TTYH3: variants seen among roughly 807,000 people sequenced by gnomAD.
TTYH3 encodes protein tweety homolog 3.
Under a neutral mutation model 68.2 loss-of-function variants are expected in TTYH3, and 23 were observed. That is an observed-to-expected ratio of 0.34 (90% CI 0.24 to 0.48). TTYH3 has a LOEUF of 0.48. Ranked by LOEUF, TTYH3 falls within the 20% of genes least tolerant of loss-of-function variation. TTYH3 has a pLI of 0.99. For synonymous variants in TTYH3, 360 were observed against 332.8 expected, an observed-to-expected ratio of 1.08 and a Z score of -0.89; for missense variants, 768 against 727.7, an observed-to-expected ratio of 1.06 and a Z score of -0.64.
Position 2,662,132 on chromosome 7 carries a change from T to G in TTYH3, c.*393T>G. On this transcript the variant is annotated 3_prime_UTR_variant, in exon 14 of 14. Transcript: ENST00000258796. ...CCCGGCACTTCTGTGGACCCCTTCTTAGTTCACAGGCACGGCTGGGGCCGC... is the reference window on the plus strand; with the variant it reads ...CCCGGCACTTCTGTGGACCCCTTCTGAGTTCACAGGCACGGCTGGGGCCGC... 2.5e-6 allele frequency: 1 copy of G among 392,372 alleles called. No individual in the cohort carries two copies. Among genetic ancestry groups the G allele is most frequent in the Non-Finnish European group, 4.8e-6 (1 of 208,550 alleles). 24.3% of individuals were successfully genotyped at this position (392,372 alleles called of 1,614,324 possible).
chr7:2,647,087 G>A (rs1467375301), intron 2 of TTYH3, 55 bp from the exon 3 acceptor site: 19 of 1,513,346 alleles, frequency 1.3e-5, no homozygotes, highest in African/African-American at 4.1e-5. Flanking sequence ...GGCGGGGCTG[G>A]AGTGGGGTGT....
intron 7 of TTYH3, among the ~76,000 whole-genome samples, 199 bp from the exon 8 acceptor site, chr7:2,651,988 C>T (rs1583570473): frequency 6.6e-6 from 1 of 152,154 alleles, no homozygotes; most frequent in Non-Finnish European, 1.5e-5. Context: ...GCACACGAAA[C>T]GTGCACAGAG....
intron 1 of TTYH3, among the ~76,000 whole-genome samples, chr7:2,634,681 C>T (rs908376791): frequency 6.6e-6 from 1 of 152,130 alleles, no homozygotes; most frequent in Non-Finnish European, 1.5e-5. Flanking sequence ...CCTGGTGAAA[C>T]CCCCGGAGGG....
intron 8 of TTYH3, 113 bp downstream of exon 8, chr7:2,652,355 A>G: frequency 2.2e-6 from 2 of 916,144 alleles, no homozygotes; most frequent in South Asian, 1.4e-5. Context: ...GGACTGGGGA[A>G]CTGGGGGAGG....
intron 9 of TTYH3, 111 bp downstream of exon 9, chr7:2,653,121 C>A: frequency 2.1e-6 from 2 of 948,968 alleles, no homozygotes; most frequent in Non-Finnish European, 3.2e-6. Context: ...AGGCACCAGG[C>A]TGGCCGAGTG....
At position 2,647,232 on chromosome 7, in the gene TTYH3, G is replaced by A. The variant is rs747472059; in HGVS notation, c.384G>A (p.Thr128=). 1.3e-6 allele frequency: 2 copies of A among 1,594,924 alleles called. No individual in the cohort carries two copies. Among genetic ancestry groups the A allele is most frequent in the South Asian group, 1.1e-5 (1 of 88,448 alleles). Residue 128 remains threonine (T), a synonymous_variant, in exon 3 of 14, where the codon ACG becomes ACA. Transcript: ENST00000258796. ...ATYSLRHANR[T]VAGVQDRVWD... ...ACTCGCTCCGCCACGCCAACCGCACGGTGGCCGGGGTCCAGGACCGCGTGA... is the reference window on the plus strand; with the variant it reads ...ACTCGCTCCGCCACGCCAACCGCACAGTGGCCGGGGTCCAGGACCGCGTGA...
intron 10 of TTYH3, 80 bp from the exon 11 acceptor site, chr7:2,656,318 C>T (rs1786332764): frequency 5.1e-6 from 8 of 1,573,314 alleles, no homozygotes; most frequent in East Asian, 2.3e-5. Flanking sequence ...TCCAGGCCGC[C>T]GTGGCTGGGC....
rs1330203463 is a variant in TTYH3 at position 2,649,762 on chromosome 7, A to G, written c.795+123A>G. On this transcript the variant is annotated intron_variant, in intron 6 of 13. Transcript: ENST00000258796. ...GCACTGGGTCCCGAGAGCGGTGGGG[A>G]CCCACCATGGGCACAGTCCACCTGT... is the stretch of plus-strand genomic sequence containing the variant. 4.2e-6 allele frequency: 6 copies of G among 1,437,142 alleles called. No individual in the cohort carries two copies. The East Asian group carries it at 9.4e-5, about 23-fold the overall frequency. 89.0% of individuals were successfully genotyped at this position (1,437,142 alleles called of 1,614,324 possible). A position where few individuals can be genotyped will look rare whatever the true frequency, so the allele number is the denominator to read the frequency against.
At chr7:2,651,103 G>T (rs547881064) in intron 7 of TTYH3, among the ~76,000 whole-genome samples, 9 of 152,224 alleles carry the variant, frequency 5.9e-5, no homozygotes, top group African/African-American at 2.2e-4. Flanking sequence ...ACGGCACAGA[G>T]GCAGGTGGAC....
chr7:2,642,746 T>TTA (rs1785881884), intron 1 of TTYH3, among the ~76,000 whole-genome samples: 1 of 149,116 alleles, frequency 6.7e-6, no homozygotes, highest in Non-Finnish European at 1.5e-5. Context: ...TTTTTTTCTT[T>TTA]TCTTTTTTTT....
chr7:2,645,142 T>G lies in TTYH3; in HGVS notation c.124-1711T>G, dbSNP rs1198795252. 6.6e-6 allele frequency among the ~76,000 whole-genome samples: 1 copy of G among 152,196 alleles called. No homozygotes were observed. The highest frequency in any genetic ancestry group is 1.5e-5 in the Non-Finnish European group (1 of 68,014). On this transcript the variant is annotated intron_variant, in intron 1 of 13. Transcript: ENST00000258796. The surrounding 1 kb of genome is among the most constrained non-coding windows in gnomAD (Gnocchi z 4.8). ...GACACCCCCCAGGGCACCCCCAAGT[T>G]AGCCTCTAGGTGGTCCCTGGCCCCA...
rs1786533904 is a variant in TTYH3 at position 2,662,999 on chromosome 7, G to C, written c.*1260G>C. 2 of 152,302 alleles carry C rather than the reference G, an allele frequency of 1.3e-5. No individual in the cohort carries two copies. Among genetic ancestry groups the C allele is most frequent in the Admixed American group, 6.5e-5 (1 of 15,290 alleles). The allele number at this position is 152,302 out of a possible 1,614,324, so 9.4% of individuals were successfully genotyped here. Reference sequence around the variant, plus strand: ...TTGGACTGAGGTCCCTGTGGCCTCGGTCTCCTCCCCATGAAGTGGGAGCGA... The same window carrying C: ...TTGGACTGAGGTCCCTGTGGCCTCGCTCTCCTCCCCATGAAGTGGGAGCGA... On this transcript the variant is annotated 3_prime_UTR_variant, in exon 14 of 14. Transcript: ENST00000258796.
chr7:2,659,738 G>C (rs931082770), intron 13 of TTYH3, among the ~76,000 whole-genome samples: 3 of 152,108 alleles, frequency 2.0e-5, no homozygotes, highest in African/African-American at 7.2e-5. Context: ...GTCCCCTGTA[G>C]CACAGAGCTG....
intron 13 of TTYH3, 71 bp from the exon 14 acceptor site, chr7:2,661,597 C>T (rs1441674168): frequency 6.1e-6 from 9 of 1,485,794 alleles, no homozygotes; most frequent in Non-Finnish European, 7.4e-6. Flanking sequence ...GTGAGGACCA[C>T]GCGGAAGGCG....
At chr7:2,649,082 A>G (rs1160032498) in intron 5 of TTYH3, among the ~76,000 whole-genome samples, 4 of 152,028 alleles carry the variant, frequency 2.6e-5, no homozygotes, top group African/African-American at 9.7e-5. Flanking sequence ...ATCTGGATCA[A>G]AGGGAGCCAG....
At chr7:2,644,300 C>T (rs1362540169) in intron 1 of TTYH3, among the ~76,000 whole-genome samples, 1 of 152,174 alleles carries the variant, frequency 6.6e-6, no homozygotes, top group Admixed American at 6.5e-5. Context: ...CCCAGCCCCA[C>T]ACAGGCAAGG....
intron 1 of TTYH3, among the ~76,000 whole-genome samples, chr7:2,633,529 G>A (rs977237223): frequency 6.6e-6 from 1 of 152,212 alleles, no homozygotes; most frequent in Non-Finnish European, 1.5e-5. Context: ...AGGGAGGAGG[G>A]AGGCGGAAGG....
intron 13 of TTYH3, chr7:2,659,997 G>T (rs1430787717): frequency 1.0e-4 from 132 of 1,303,940 alleles, no homozygotes; most frequent in Non-Finnish European, 1.3e-4. Flanking sequence ...TAAGCCCATG[G>T]ACAGTGCCCG....
intron 8 of TTYH3, 80 bp from the exon 9 acceptor site, chr7:2,652,838 C>A (rs932436474): frequency 3.2e-5 from 37 of 1,159,916 alleles, no homozygotes; most frequent in African/African-American, 4.6e-5. Context: ...TTGCTGGTGT[C>A]CCCGCGTTGG....
Sources: gnomAD v4.1 joint callset for allele counts (sites outside exome capture counted in the v4.1 genomes callset) on GRCh38, gnomAD v4.1.1 for gene constraint, Gnocchi (gnomAD v3.1) non-coding constraint, MANE v1.5 for transcripts, NCBI Gene and HGNC (gene_info 2026-07-23, HGNC 2026-07-21) for gene names.